GADL1: variants seen among roughly 807,000 people sequenced by gnomAD.
GADL1 encodes acidic amino acid decarboxylase GADL1.
A neutral mutation model predicts 69.5 loss-of-function variants in GADL1; 71 were observed. That is an observed-to-expected ratio of 1.02 (90% CI 0.84 to 1.25). GADL1 has a LOEUF of 1.25. Ranked by LOEUF, GADL1 falls within the 50% of genes most tolerant of loss-of-function variation. The pLI is 0.00. For synonymous variants in GADL1, 254 were observed against 214.4 expected, an observed-to-expected ratio of 1.18 and a Z score of -1.62; for missense variants, 737 against 631.8, an observed-to-expected ratio of 1.17 and a Z score of -1.79.
chr3:30,840,350 G>A (rs904287998), intron 8 of GADL1, among the ~76,000 whole-genome samples: 3 of 152,048 alleles, frequency 2.0e-5, no homozygotes, highest in African/African-American at 7.2e-5. Flanking sequence ...TCAAAGTGGT[G>A]GTATATAACA....
intron 6 of GADL1, among the ~76,000 whole-genome samples, chr3:30,849,396 C>T (rs149031285): frequency 6.6e-6 from 1 of 152,248 alleles, no homozygotes; most frequent in Non-Finnish European, 1.5e-5. Flanking sequence ...AATTAACTCA[C>T]TCAAGGTTAC....
At chr3:30,752,362 CTATT>C (rs145429334) in intron 14 of GADL1, among the ~76,000 whole-genome samples, 3,638 of 152,220 alleles carry the variant, frequency 0.024, 128 homozygotes, top group African/African-American at 0.077. Context: ...TAAGCACAAT[CTATT>C]TAAGTGGTGC....
rs556666064 is a variant in GADL1 at position 30,758,360 on chromosome 3, G to C, written c.1392+19819C>G. Among the ~76,000 whole-genome samples, 29 of 151,730 alleles carry C rather than the reference G, an allele frequency of 1.9e-4. 1 individual carries two copies. The East Asian group carries it at 5.4e-3, about 28-fold the overall frequency. On this transcript the variant is annotated intron_variant, in intron 14 of 14. Coordinates refer to ENST00000282538, the MANE Select transcript of GADL1 (RefSeq NM_207359.3). ...GGCTATTCTTTGCAGCCTCCCTCCA[G>C]CTCTTCCTTCCGTCAGATCTCCATT...
At chr3:30,869,725 G>A (rs1215966579) in intron 1 of GADL1, among the ~76,000 whole-genome samples, 1 of 151,664 alleles carries the variant, frequency 6.6e-6, no homozygotes, top group Non-Finnish European at 1.5e-5. Flanking sequence ...TCCACAGTGA[G>A]CAGATACTTC....
chr3:30,833,897 T>C lies in GADL1; in HGVS notation c.1006A>G (p.Met336Val). The part of the protein sequence containing the change: ...SVAWNPHKML[M>V]AGIQCCALLV... ...AGAGCACAGCACTGGATCCCAGCCA[T>C]CAGCATCTTGTGTGGGTTCCAGGCC... The change falls in exon 11 of 15, where the codon ATG becomes GTG. Residue 336 changes from methionine (M) to valine (V), a missense_variant. Physicochemically the swap from Met to Val is conservative, Grantham distance 21. Transcript: ENST00000282538. 3 of 1,612,864 alleles carry C rather than the reference T, an allele frequency of 1.9e-6. No individual in the cohort carries two copies. The highest frequency in any genetic ancestry group is 1.7e-6 in the Non-Finnish European group (2 of 1,179,252).
At position 30,728,323 on chromosome 3, in the gene GADL1, C is replaced by T; in HGVS notation, c.1485G>A (p.Gln495=). The stretch of plus-strand genomic sequence containing the variant: ...GGCTCACTTGAGGGCTGATCACCAC[C>T]TGGCGGAAGAAGTTGACCTTTCCCC... ...PHRGKVNFFR[Q]VVISPQVSRE... Residue 495 remains glutamine (Q), a synonymous_variant, in exon 15 of 15, where the codon CAG becomes CAA. Transcript: ENST00000282538. 20 of 1,613,942 alleles carry T rather than the reference C, an allele frequency of 1.2e-5. No homozygotes were observed. Among genetic ancestry groups the T allele is most frequent in the Non-Finnish European group, 1.6e-5 (19 of 1,179,854 alleles).
At chr3:30,833,473 A>G (rs1184243625) in intron 11 of GADL1, among the ~76,000 whole-genome samples, 1 of 151,988 alleles carries the variant, frequency 6.6e-6, no homozygotes, top group Admixed American at 6.6e-5. Flanking sequence ...TGTATGACAC[A>G]CATCTGTTCC....
At chr3:30,778,806 C>T (rs138764519) in intron 13 of GADL1, 2 of 152,236 alleles carry the variant, frequency 1.3e-5, no homozygotes, top group African/African-American at 4.8e-5. Context: ...AAGAACATCA[C>T]CTTGACTCCC....
At chr3:30,760,457 A>T (rs1696100344) in intron 14 of GADL1, among the ~76,000 whole-genome samples, 1 of 152,252 alleles carries the variant, frequency 6.6e-6, no homozygotes. Flanking sequence ...ACTTCTAGCT[A>T]CCAACAGACT....
chr3:30,879,757 C>A (rs1698619640), intron 1 of GADL1, among the ~76,000 whole-genome samples: 1 of 151,870 alleles, frequency 6.6e-6, no homozygotes, highest in African/African-American at 2.4e-5. Context: ...TTGATGCTAG[C>A]CTCATGGGTA....
intron 1 of GADL1, among the ~76,000 whole-genome samples, chr3:30,879,502 AAGGT>A (rs1407288290): frequency 9.2e-5 from 14 of 151,886 alleles, no homozygotes; most frequent in African/African-American, 3.4e-4. Context: ...ATAAGTCTGC[AAGGT>A]GATCTCCTCC....
chr3:30,863,027 T>TCACACACACACACA (rs397875196), intron 1 of GADL1, among the ~76,000 whole-genome samples: 96 of 110,216 alleles, frequency 8.7e-4, no homozygotes, highest in African/African-American at 2.5e-3. Flanking sequence ...CATGTCTGTT[T>TCACACACACACACA]CACACACACA....
intron 11 of GADL1, among the ~76,000 whole-genome samples, chr3:30,831,321 T>TC (rs1332260688): frequency 6.6e-6 from 1 of 151,956 alleles, no homozygotes; most frequent in Non-Finnish European, 1.5e-5. Context: ...TAATTTTTTT[T>TC]AAAAAGGGCG....
chr3:30,750,747 G>A (rs1202032112), intron 14 of GADL1, among the ~76,000 whole-genome samples: 4 of 151,850 alleles, frequency 2.6e-5, no homozygotes, highest in African/African-American at 9.7e-5. Context: ...TTTGTCCTGC[G>A]GCTTCATATG....
intron 11 of GADL1, among the ~76,000 whole-genome samples, chr3:30,829,065 C>A (rs776127872): frequency 4.6e-5 from 7 of 151,880 alleles, no homozygotes; most frequent in Non-Finnish European, 1.0e-4. Context: ...TCCATCTATG[C>A]AACTGATTCT....
At chr3:30,755,869 TAC>T (rs1187547141) in intron 14 of GADL1, among the ~76,000 whole-genome samples, 12 of 152,330 alleles carry the variant, frequency 7.9e-5, no homozygotes, top group African/African-American at 2.6e-4. Flanking sequence ...ATAACATTCA[TAC>T]ACAGTTCCAA....
At chr3:30,863,062 C>T (rs1358964309) in intron 1 of GADL1, among the ~76,000 whole-genome samples, 2 of 151,618 alleles carry the variant, frequency 1.3e-5, no homozygotes, top group Non-Finnish European at 3.0e-5. Flanking sequence ...CACTCTCTCT[C>T]ACACTCACAC....
At chr3:30,884,020 T>G (rs1698674714) in intron 1 of GADL1, among the ~76,000 whole-genome samples, 1 of 152,020 alleles carries the variant, frequency 6.6e-6, no homozygotes, top group African/African-American at 2.4e-5. Context: ...ATATCCTATT[T>G]GCTCATCCAA....
intron 1 of GADL1, among the ~76,000 whole-genome samples, chr3:30,878,461 C>A (rs1698604674): frequency 6.6e-6 from 1 of 152,010 alleles, no homozygotes; most frequent in East Asian, 1.9e-4. Context: ...ACTGAAGTAT[C>A]TCTGTAAATT....
Sources: allele counts gnomAD v4.1 joint callset (sites outside exome capture counted in the v4.1 genomes callset), GRCh38; gene constraint gnomAD v4.1.1; transcripts MANE v1.5; gene names NCBI Gene and HGNC (gene_info 2026-07-23, HGNC 2026-07-21).